NUCB2: variants seen among roughly 807,000 people sequenced by gnomAD.
NUCB2 encodes nucleobindin-2.
A neutral mutation model predicts 57.9 loss-of-function variants in NUCB2; 48 were observed. That is an observed-to-expected ratio of 0.83 (90% CI 0.66 to 1.05). The LOEUF (loss-of-function observed/expected upper bound fraction) is 1.05. Ranked by LOEUF, NUCB2 falls within the 50% of genes least tolerant of loss-of-function variation. The probability of loss-of-function intolerance (pLI) is 0.00; values close to 1 mark genes in which losing one functional copy is unlikely to be tolerated. For synonymous variants in NUCB2, 139 were observed against 152.1 expected, an observed-to-expected ratio of 0.91 and a Z score of 0.64; for missense variants, 442 against 476.2, an observed-to-expected ratio of 0.93 and a Z score of 0.67.
chr11:17,338,927 G>C (rs998598677), intron 2 of NUCB2, among the ~76,000 whole-genome samples: 69 of 152,152 alleles, frequency 4.5e-4, no homozygotes, highest in African/African-American at 1.7e-3. Context: ...GCCTCCCAAA[G>C]TGTTGGGATT....
intron 1 of NUCB2, among the ~76,000 whole-genome samples, chr11:17,280,991 A>C (rs1235767926): frequency 1.3e-5 from 2 of 152,180 alleles, no homozygotes; most frequent in Admixed American, 6.6e-5. Flanking sequence ...TGATGAGCTG[A>C]AATAGCGCCA....
At chr11:17,327,659 C>G (rs1950864522) in intron 11 of NUCB2, among the ~76,000 whole-genome samples, 1 of 152,158 alleles carries the variant, frequency 6.6e-6, no homozygotes, top group South Asian at 2.1e-4. Flanking sequence ...AATAGCCTGT[C>G]TTCAAGCTCA....
At chr11:17,293,232 C>T (rs138559642) in intron 2 of NUCB2, among the ~76,000 whole-genome samples, 1,438 of 134,366 alleles carry the variant, frequency 0.011, 25 homozygotes, top group African/African-American at 0.038. Flanking sequence ...CTAGCCTGGG[C>T]GATAGAGCAA....
At chr11:17,343,355 A>G (rs889908870) in intron 2 of NUCB2, among the ~76,000 whole-genome samples, 1 of 152,230 alleles carries the variant, frequency 6.6e-6, no homozygotes, top group Admixed American at 6.5e-5. Flanking sequence ...CCCATGAATC[A>G]TTGCATTTAA....
chr11:17,345,810 C>G (rs770325270), intron 2 of NUCB2, among the ~76,000 whole-genome samples: 2 of 152,030 alleles, frequency 1.3e-5, no homozygotes, highest in Non-Finnish European at 2.9e-5. Flanking sequence ...TTTATTTTTT[C>G]TTGGCTTATT....
intron 1 of NUCB2, chr11:17,278,420 A>G (rs1181984064): frequency 6.6e-6 from 1 of 151,946 alleles, no homozygotes; most frequent in Non-Finnish European, 1.5e-5. Context: ...CAGGTGATCC[A>G]CTTGCCTTGG....
At chr11:17,317,973 G>GT (rs568298872) in intron 11 of NUCB2, among the ~76,000 whole-genome samples, 7,170 of 123,358 alleles carry the variant, frequency 0.058, 208 homozygotes, top group Middle Eastern at 0.087. Flanking sequence ...AAAGAAGTCA[G>GT]CTTTTTTTTT....
chr11:17,336,942 A>AT (rs566889007), downstream of NUCB2, among the ~76,000 whole-genome samples: 2,170 of 149,374 alleles, frequency 0.015, 26 homozygotes, highest in South Asian at 0.044. Context: ...TGATAACATG[A>AT]TTTTTTTTTT....
At chr11:17,314,203 C>G (rs1394774143) in intron 10 of NUCB2, among the ~76,000 whole-genome samples, 1 of 152,120 alleles carries the variant, frequency 6.6e-6, no homozygotes, top group Non-Finnish European at 1.5e-5. Flanking sequence ...CCACTTCCCC[C>G]CACTTCCACT....
intron 10 of NUCB2, among the ~76,000 whole-genome samples, chr11:17,313,233 A>C (rs16933952): frequency 0.12 from 17,502 of 152,020 alleles, 2,171 homozygotes; most frequent in African/African-American, 0.32. Flanking sequence ...ATCAGGTATA[A>C]AACTTTTTTT....
chr11:17,311,964 TTC>T (rs777549341), intron 9 of NUCB2, 34 bp downstream of exon 9: 13 of 1,543,514 alleles, frequency 8.4e-6, no homozygotes, highest in East Asian at 2.3e-5. Flanking sequence ...AGTGTTCTTG[TTC>T]TCTCTCTTTT....
chr11:17,298,996 G>A (rs1329710670), intron 4 of NUCB2, among the ~76,000 whole-genome samples: 1 of 152,210 alleles, frequency 6.6e-6, no homozygotes, highest in Non-Finnish European at 1.5e-5. Context: ...ACCATGCCCG[G>A]CCTCTCTTTC....
chr11:17,331,094 T>A (rs1311263210), intron 13 of NUCB2, 111 bp downstream of exon 13: 9 of 881,348 alleles, frequency 1.0e-5, no homozygotes, highest in Non-Finnish European at 1.5e-5. Context: ...TGTTATTTTT[T>A]GTGTATTTTT....
Position 17,282,914 on chromosome 11 carries a change from A to G in NUCB2, c.-30A>G, listed in dbSNP as rs1942996273. The G allele has an allele frequency of 6.6e-6, 1 of 152,192 alleles. No individual in the cohort carries two copies. Among genetic ancestry groups the G allele is most frequent in the Non-Finnish European group, 1.5e-5 (1 of 68,046 alleles). 9.4% of individuals were successfully genotyped at this position (152,192 alleles called of 1,614,324 possible). Reference sequence around the variant, plus strand: ...GATCTCAGTTGTCTCATCTGTAAAAAGGAGATAAAAATTATTTACCTGCCT... The same window carrying G: ...GATCTCAGTTGTCTCATCTGTAAAAGGGAGATAAAAATTATTTACCTGCCT... On this transcript the variant is annotated 5_prime_UTR_variant, in exon 2 of 14. Coordinates refer to ENST00000529010, the MANE Select transcript of NUCB2 (RefSeq NM_005013.4).
intron 6 of NUCB2, among the ~76,000 whole-genome samples, chr11:17,310,384 C>T (rs1461396287): frequency 6.6e-6 from 1 of 152,132 alleles, no homozygotes. Context: ...TGCCTGTAAT[C>T]CCAGCACTTT....
chr11:17,307,044 G>C (rs908895230), intron 5 of NUCB2, among the ~76,000 whole-genome samples: 3 of 152,136 alleles, frequency 2.0e-5, no homozygotes, highest in African/African-American at 7.2e-5. Flanking sequence ...TAATTTTAGG[G>C]AGGGGGGTAA....
intron 1 of NUCB2, among the ~76,000 whole-genome samples, chr11:17,280,725 A>G (rs1942385110): frequency 6.6e-6 from 1 of 152,180 alleles, no homozygotes; most frequent in Non-Finnish European, 1.5e-5. Context: ...TTCAGAGAAG[A>G]GCTCTAATGT....
chr11:17,313,942 C>G (rs1948877915), intron 10 of NUCB2, among the ~76,000 whole-genome samples: 1 of 152,222 alleles, frequency 6.6e-6, no homozygotes, highest in Admixed American at 6.5e-5. Flanking sequence ...CTGGTGAGTT[C>G]AACATTTTTA....
downstream of NUCB2, among the ~76,000 whole-genome samples, chr11:17,335,161 A>G (rs1951706200): frequency 6.6e-6 from 1 of 152,126 alleles, no homozygotes; most frequent in South Asian, 2.1e-4. Context: ...ATTATAAGCA[A>G]TAGAATATCT....
Sources: gnomAD v4.1 joint callset for allele counts (sites outside exome capture counted in the v4.1 genomes callset) on GRCh38, gnomAD v4.1.1 for gene constraint, MANE v1.5 for transcripts, NCBI Gene and HGNC (gene_info 2026-07-23, HGNC 2026-07-21) for gene names.